PRDM16: variants seen among roughly 807,000 people sequenced by gnomAD.
PRDM16 encodes histone-lysine N-methyltransferase PRDM16.
A neutral mutation model predicts 110.6 loss-of-function variants in PRDM16; 23 were observed. That is an observed-to-expected ratio of 0.21 (90% confidence interval 0.15 to 0.29). The LOEUF is 0.29. PRDM16 is among the 10% of genes least tolerant of loss of function. PRDM16 has a pLI of 1.00. For missense variants in PRDM16, 1,615 were observed against 1,794.3 expected, an observed-to-expected ratio of 0.90 and a Z score of 1.81; for synonymous variants, 799 against 781.8, an observed-to-expected ratio of 1.02 and a Z score of -0.37.
In PRDM16 at chr1:3,411,921, C is replaced by T. The variant is rs2100663104; in HGVS notation, c.1724C>T (p.Pro575Leu). 1.2e-6 allele frequency: 2 copies of T among 1,613,726 alleles called. No individual in the cohort carries two copies. The highest frequency in any genetic ancestry group is 1.3e-5 in the African/African-American group (1 of 75,018). ...CAGGGCACGACGGCAGCTGCGGGGC[C>T]CGAGGAGAAGTTCGAGAGCCGCCTG... is the stretch of plus-strand genomic sequence containing the variant. ...SSQGTTAAAG[P>L]EEKFESRLED... The change falls in exon 9 of 17, where the codon CCC becomes CTC. Residue 575 changes from proline (P) to leucine (L), a missense_variant. By Grantham distance (98) the Pro-to-Leu change is moderately conservative. Coordinates refer to ENST00000270722, the MANE Select transcript of PRDM16 (RefSeq NM_022114.4).
intron 3 of PRDM16, among the ~76,000 whole-genome samples, chr1:3,273,470 ATG>A (rs1317550753): frequency 6.6e-6 from 1 of 150,916 alleles, no homozygotes; most frequent in African/African-American, 2.4e-5. Context: ...GTGTGAGTGA[ATG>A]TGTGTGCACA....
intron 3 of PRDM16, among the ~76,000 whole-genome samples, chr1:3,261,530 A>G (rs1472781346): frequency 6.6e-6 from 1 of 152,108 alleles, no homozygotes; most frequent in Non-Finnish European, 1.5e-5. Flanking sequence ...CACAGTGGCG[A>G]GAGTCCCTTT....
At chr1:3,204,380 G>A (rs751429014) in intron 2 of PRDM16, among the ~76,000 whole-genome samples, 4 of 152,274 alleles carry the variant, frequency 2.6e-5, no homozygotes, top group Non-Finnish European at 5.9e-5. Flanking sequence ...GAGGTAAAAC[G>A]ACGTCATGTG....
At chr1:3,139,069 T>C (rs977884552) in intron 1 of PRDM16, among the ~76,000 whole-genome samples, 34 of 152,256 alleles carry the variant, frequency 2.2e-4, no homozygotes, top group African/African-American at 7.9e-4. Context: ...GGGCCAGGTC[T>C]GCAGGGGTCC....
intron 3 of PRDM16, among the ~76,000 whole-genome samples, chr1:3,331,123 C>T (rs1642033041): frequency 6.6e-6 from 1 of 152,260 alleles, no homozygotes; most frequent in Non-Finnish European, 1.5e-5. Context: ...CAAGCTGCTC[C>T]TGCCCTTCGG....
At chr1:3,274,780 G>A (rs1228392652) in intron 3 of PRDM16, among the ~76,000 whole-genome samples, 1 of 151,282 alleles carries the variant, frequency 6.6e-6, no homozygotes, top group East Asian at 1.9e-4. Flanking sequence ...TGCATGGCTG[G>A]CTTTTCCATT....
intron 3 of PRDM16, among the ~76,000 whole-genome samples, chr1:3,318,679 C>G (rs1641670745): frequency 6.6e-6 from 1 of 152,230 alleles, no homozygotes; most frequent in Non-Finnish European, 1.5e-5. Context: ...GACAAACCCT[C>G]ATGACCTTTG....
chr1:3,409,235 G>C (rs1312303740), intron 8 of PRDM16, among the ~76,000 whole-genome samples: 2 of 148,630 alleles, frequency 1.3e-5, no homozygotes, highest in East Asian at 3.9e-4. Context: ...GGGTGTGAGA[G>C]TGTGTGAGTG....
chr1:3,171,222 T>C (rs1191489565), intron 1 of PRDM16, among the ~76,000 whole-genome samples: 1 of 152,218 alleles, frequency 6.6e-6, no homozygotes, highest in Non-Finnish European at 1.5e-5. Flanking sequence ...TGGTAGGAAC[T>C]AAAGAGATAA....
intron 5 of PRDM16, among the ~76,000 whole-genome samples, chr1:3,402,524 C>T (rs770577040): frequency 2.6e-5 from 4 of 152,198 alleles, no homozygotes; most frequent in Non-Finnish European, 5.9e-5. Flanking sequence ...CAGGCAGGGC[C>T]GGGTGTCGCC....
At chr1:3,395,134 T>A (rs1368841806) in intron 4 of PRDM16, among the ~76,000 whole-genome samples, 1 of 152,168 alleles carries the variant, frequency 6.6e-6, no homozygotes, top group Non-Finnish European at 1.5e-5. Context: ...CTTGGTGTCA[T>A]TCTGGAGTCA....
At chr1:3,356,278 G>A (rs1397705215) in intron 3 of PRDM16, among the ~76,000 whole-genome samples, 1 of 152,136 alleles carries the variant, frequency 6.6e-6, no homozygotes, top group Non-Finnish European at 1.5e-5. Context: ...CAGCCCCCCT[G>A]CGCCAAGCCA....
chr1:3,376,850 G>C (rs1249727199), intron 3 of PRDM16, among the ~76,000 whole-genome samples: 14 of 152,018 alleles, frequency 9.2e-5, no homozygotes, highest in Non-Finnish European at 1.5e-5. Context: ...CCTGGCCGTG[G>C]TGTGGCCCCA....
At chr1:3,378,011 G>A (rs1036167494) in intron 3 of PRDM16, among the ~76,000 whole-genome samples, 13 of 152,204 alleles carry the variant, frequency 8.5e-5, no homozygotes, top group African/African-American at 2.7e-4. Context: ...AAACAGGCCC[G>A]GCTCCCAGAC....
In PRDM16 at chr1:3,402,980, T is replaced by G. The variant is rs765044618; in HGVS notation, c.866T>G (p.Met289Arg). 23 of 1,608,436 alleles carry G rather than the reference T, an allele frequency of 1.4e-5. No homozygotes were observed. The highest frequency in any genetic ancestry group is 2.0e-5 in the Non-Finnish European group (23 of 1,178,588). Residue 289 changes from methionine to arginine, a missense_variant, in exon 6 of 17, where the codon ATG (methionine) becomes AGG (arginine). Physicochemically the swap from Met to Arg is moderately conservative, Grantham distance 91. This residue lies in a region of PRDM16 where 416 missense variants were observed against 467.1 expected (regional missense o/e 0.89). Transcript: ENST00000270722. ...CACGAGTGCAAGGACTGCGAGCGGATGTTCCCCAACAAGTACAGGTGCCAC... is the reference window on the plus strand; with the variant it reads ...CACGAGTGCAAGGACTGCGAGCGGAGGTTCCCCAACAAGTACAGGTGCCAC... ...QAHECKDCER[M>R]FPNKYSLEQH...
chr1:3,381,144 A>G (rs1292720671), intron 3 of PRDM16, among the ~76,000 whole-genome samples: 1 of 152,206 alleles, frequency 6.6e-6, no homozygotes, highest in Non-Finnish European at 1.5e-5. Context: ...CCCCCAGGAC[A>G]AGCACACATA....
chr1:3,162,766 G>A (rs1418953948), intron 1 of PRDM16, among the ~76,000 whole-genome samples: 7 of 152,200 alleles, frequency 4.6e-5, no homozygotes, highest in Non-Finnish European at 5.9e-5. Flanking sequence ...ACCTGGTGAC[G>A]CCTGTGCGAC....
At chr1:3,168,963 A>G (rs2100756397) in intron 1 of PRDM16, among the ~76,000 whole-genome samples, 1 of 152,338 alleles carries the variant, frequency 6.6e-6, no homozygotes, top group East Asian at 1.9e-4. Flanking sequence ...CCCAGGGTGC[A>G]GGTTCAGGAC....
chr1:3,128,584 G>C (rs1347625028), intron 1 of PRDM16, among the ~76,000 whole-genome samples: 1 of 152,166 alleles, frequency 6.6e-6, no homozygotes, highest in Admixed American at 6.5e-5. Context: ...ACTCTCACTC[G>C]GGAACCCAGA....
Sources: gnomAD v4.1 joint callset for allele counts (sites outside exome capture counted in the v4.1 genomes callset) on GRCh38, gnomAD v4.1.1 for gene constraint, gnomAD v4.1.1 regional missense constraint, MANE v1.5 for transcripts, NCBI Gene and HGNC (gene_info 2026-07-23, HGNC 2026-07-21) for gene names.